Variants in DOCK2 observed in about 807,000 individuals in gnomAD.
The protein encoded by DOCK2 is dedicator of cytokinesis 2, also known as dedicator of cytokinesis protein 2.
A neutral mutation model predicts 248.9 loss-of-function variants in DOCK2; 87 were observed. The ratio of observed to expected loss-of-function variants is 0.35; its 90% CI spans 0.29 to 0.42. The LOEUF (loss-of-function observed/expected upper bound fraction) is 0.42. DOCK2 is among the 10% of genes least tolerant of loss of function. DOCK2 has a pLI of 1.00. For synonymous variants in DOCK2, 805 were observed against 821.6 expected, an observed-to-expected ratio of 0.98 and a Z score of 0.35; for missense variants, 1,747 against 2,300.2, an observed-to-expected ratio of 0.76 and a Z score of 4.92.
At chr5:169,769,879 T>C (rs1025607039) in intron 25 of DOCK2, among the ~76,000 whole-genome samples, 3 of 152,228 alleles carry the variant, frequency 2.0e-5, no homozygotes, top group African/African-American at 2.4e-5. Flanking sequence ...TCTATACTGA[T>C]GGAATGAACT....
intron 32 of DOCK2, among the ~76,000 whole-genome samples, chr5:170,014,965 A>C (rs770509971): frequency 2.6e-5 from 4 of 152,168 alleles, no homozygotes; most frequent in Non-Finnish European, 5.9e-5. Flanking sequence ...GAGGGTTGTG[A>C]GTGTCAGCCA....
intron 4 of DOCK2, 26 bp downstream of exon 4, chr5:169,670,623 G>A (rs778675751): frequency 6.2e-7 from 1 of 1,613,406 alleles, no homozygotes; most frequent in Non-Finnish European, 8.5e-7. Context: ...CACCAGACTT[G>A]AGCCTCCAGT....
chr5:169,663,752 C>G (rs1581410511), intron 2 of DOCK2, among the ~76,000 whole-genome samples: 1 of 152,350 alleles, frequency 6.6e-6, no homozygotes, highest in Non-Finnish European at 1.5e-5. Context: ...TGCACAGCAA[C>G]AGGGCCCTGG....
At chr5:170,038,278 C>A (rs557986728) in intron 36 of DOCK2, among the ~76,000 whole-genome samples, 1 of 152,256 alleles carries the variant, frequency 6.6e-6, no homozygotes, top group East Asian at 1.9e-4. Context: ...CCTTGTTTCT[C>A]CCCTTCTCAT....
chr5:169,686,000 T>A lies in DOCK2; in HGVS notation c.761+1650T>A, dbSNP rs1473389560. Among the ~76,000 whole-genome samples, 4 of 152,160 alleles carry A rather than the reference T, an allele frequency of 2.6e-5. No individual in the cohort carries two copies. The South Asian group carries it at 8.3e-4, about 32-fold the overall frequency. On this transcript the variant is annotated intron_variant, in intron 8 of 51. Transcript: ENST00000520908. The stretch of plus-strand genomic sequence containing the variant: ...AGCACCATTATGGTGGAAAGGTAAT[T>A]TTTATTATGCACCAAAGTCCCTAAC...
At chr5:169,729,016 T>C (rs1001208902) in intron 22 of DOCK2, among the ~76,000 whole-genome samples, 2 of 152,226 alleles carry the variant, frequency 1.3e-5, no homozygotes, top group Non-Finnish European at 2.9e-5. Flanking sequence ...GGGAGCTAGA[T>C]TGCTGGTTGA....
At chr5:170,026,417 G>A (rs952198692) in intron 33 of DOCK2, among the ~76,000 whole-genome samples, 10 of 152,138 alleles carry the variant, frequency 6.6e-5, no homozygotes, top group East Asian at 3.9e-4. Flanking sequence ...AAGGTGATCC[G>A]TGACCTCCAG....
In DOCK2 at chr5:170,057,567, T is replaced by C; in HGVS notation, c.4381-13T>C. ...TGCTTTCCTGCCCTTGCCACCCCTCTGCCCACGGACAGTCCATGTGGATTG... is the reference window on the plus strand; with the variant it reads ...TGCTTTCCTGCCCTTGCCACCCCTCCGCCCACGGACAGTCCATGTGGATTG... On this transcript the variant is annotated splice_polypyrimidine_tract_variant and intron_variant, in intron 43 of 51. Transcript: ENST00000520908. The C allele has an allele frequency of 6.2e-7, 1 of 1,612,854 alleles. No individual in the cohort carries two copies. Among genetic ancestry groups the C allele is most frequent in the Non-Finnish European group, 8.5e-7 (1 of 1,178,806 alleles).
At chr5:169,685,376 A>G (rs1759906660) in intron 8 of DOCK2, among the ~76,000 whole-genome samples, 1 of 152,192 alleles carries the variant, frequency 6.6e-6, no homozygotes, top group Non-Finnish European at 1.5e-5. Context: ...TCCCACTGCC[A>G]GACTCCTGGC....
At chr5:169,848,762 C>T (rs1309645220) in intron 27 of DOCK2, among the ~76,000 whole-genome samples, 1 of 152,176 alleles carries the variant, frequency 6.6e-6, no homozygotes, top group Non-Finnish European at 1.5e-5. Flanking sequence ...AAGGTAAATG[C>T]TTGGCATCAT....
intron 33 of DOCK2, among the ~76,000 whole-genome samples, chr5:170,025,183 A>G (rs1755860437): frequency 6.6e-6 from 1 of 152,250 alleles, no homozygotes; most frequent in Non-Finnish European, 1.5e-5. Context: ...TGTGCCCTAT[A>G]GCTACTCCAC....
intron 26 of DOCK2, among the ~76,000 whole-genome samples, chr5:169,823,074 A>T (rs1258772428): frequency 6.6e-6 from 1 of 152,226 alleles, no homozygotes; most frequent in Non-Finnish European, 1.5e-5. Flanking sequence ...AACCAAGAAG[A>T]AGTTGAATGT....
At chr5:169,821,137 G>A (rs189530525) in intron 26 of DOCK2, among the ~76,000 whole-genome samples, 1,776 of 152,304 alleles carry the variant, frequency 0.012, 15 homozygotes, top group Non-Finnish European at 0.019. Context: ...CCAAATCTAC[G>A]TCTGATTGGT....
intron 26 of DOCK2, among the ~76,000 whole-genome samples, chr5:169,835,264 T>TTTG (rs1290894899): frequency 1.3e-5 from 2 of 148,542 alleles, no homozygotes; most frequent in South Asian, 2.1e-4. Context: ...TGCCTGGTTT[T>TTTG]TTTTTTTTTT....
intron 32 of DOCK2, among the ~76,000 whole-genome samples, chr5:170,016,377 C>T (rs915931541): frequency 6.6e-6 from 1 of 152,198 alleles, no homozygotes; most frequent in Admixed American, 6.5e-5. Flanking sequence ...GTTCTGCGTG[C>T]ATGTGTATGC....
At chr5:169,744,777 G>A (rs1767820928) in intron 22 of DOCK2, among the ~76,000 whole-genome samples, 2 of 152,118 alleles carry the variant, frequency 1.3e-5, no homozygotes, top group Non-Finnish European at 2.9e-5. Flanking sequence ...ATTCCAGAAG[G>A]AGAACTGCCA....
intron 26 of DOCK2, among the ~76,000 whole-genome samples, chr5:169,839,168 A>G (rs1769785161): frequency 6.6e-6 from 1 of 151,910 alleles, no homozygotes; most frequent in African/African-American, 2.4e-5. Flanking sequence ...CTGTTCCCAA[A>G]CCCCCATCTC....
intron 22 of DOCK2, among the ~76,000 whole-genome samples, chr5:169,741,965 C>A (rs1039969360): frequency 1.6e-4 from 24 of 151,928 alleles, no homozygotes; most frequent in Admixed American, 1.1e-3. Flanking sequence ...GCCCACCACC[C>A]TGCCCAGCTA....
intron 30 of DOCK2, among the ~76,000 whole-genome samples, chr5:169,997,711 G>A (rs1445835801): frequency 6.6e-6 from 1 of 150,666 alleles, no homozygotes; most frequent in African/African-American, 2.5e-5. Flanking sequence ...CGGGGTTGGG[G>A]GTAAGGTCAC....
Sources: gnomAD v4.1 joint callset for allele counts (sites outside exome capture counted in the v4.1 genomes callset) on GRCh38, gnomAD v4.1.1 for gene constraint, MANE v1.5 for transcripts, NCBI Gene and HGNC (gene_info 2026-07-23, HGNC 2026-07-21) for gene names.